Variants in HEMK2 observed in about 807,000 individuals in gnomAD.
HEMK2 encodes the protein HemK methyltransferase 2, ETF1 glutamine and histone H4 lysine, also known as methyltransferase HEMK2.
the HEMK2 span, among the ~76,000 whole-genome samples, chr21:28,604,951 T>C: frequency 9.2e-5 from 14 of 152,234 alleles, no homozygotes; most frequent in East Asian, 1.9e-4. Flanking sequence ...GGTCCGTGCA[T>C]GTAACTACCT....
chr21:28,755,966 T>A, the HEMK2 span, among the ~76,000 whole-genome samples: 1 of 152,176 alleles, frequency 6.6e-6, no homozygotes, highest in Admixed American at 6.5e-5. Flanking sequence ...CATTAAAATA[T>A]ATGTGTGAGC....
the HEMK2 span, among the ~76,000 whole-genome samples, chr21:28,613,619 C>CTTTTTTT: frequency 2.8e-3 from 232 of 82,708 alleles, 45 homozygotes; most frequent in African/African-American, 3.3e-3. Context: ...TCTGCATATT[C>CTTTTTTT]TTTTTTTTTT....
At chr21:28,599,684 C>T in the HEMK2 span, among the ~76,000 whole-genome samples, 1 of 152,156 alleles carries the variant, frequency 6.6e-6, no homozygotes, top group African/African-American at 2.4e-5. Context: ...TCAGCATTAA[C>T]TCAAAAGTCC....
chr21:28,707,621 T>G, the HEMK2 span, among the ~76,000 whole-genome samples: 3 of 152,252 alleles, frequency 2.0e-5, no homozygotes, highest in South Asian at 6.2e-4. Flanking sequence ...GAGAATTGCC[T>G]GCTTGTAAAT....
chr21:28,871,690 T>C, the HEMK2 span, among the ~76,000 whole-genome samples: 1,424 of 152,300 alleles, frequency 9.3e-3, 23 homozygotes, highest in Non-Finnish European at 0.012. Flanking sequence ...CTGTTTGTTG[T>C]AAAACCAATG....
At chr21:28,590,799 C>T in the HEMK2 span, among the ~76,000 whole-genome samples, 2 of 152,154 alleles carry the variant, frequency 1.3e-5, no homozygotes, top group East Asian at 1.9e-4. Flanking sequence ...CTACAGCTGA[C>T]GAGACAGCCC....
chr21:28,763,598 C>T, the HEMK2 span, among the ~76,000 whole-genome samples: 3 of 152,098 alleles, frequency 2.0e-5, no homozygotes, highest in African/African-American at 7.2e-5. Context: ...CACACGTGAA[C>T]ATTCTCAGCC....
At chr21:28,849,778 T>C in the HEMK2 span, among the ~76,000 whole-genome samples, 1 of 152,184 alleles carries the variant, frequency 6.6e-6, no homozygotes, top group Admixed American at 6.5e-5. Flanking sequence ...GAATCTCAGA[T>C]ATTGAAGACC....
chr21:28,783,449 T>G, the HEMK2 span, among the ~76,000 whole-genome samples: 1 of 152,228 alleles, frequency 6.6e-6, no homozygotes, highest in East Asian at 1.9e-4. Flanking sequence ...CCTCCCAAAG[T>G]GCTGGGATTA....
the HEMK2 span, among the ~76,000 whole-genome samples, chr21:28,738,815 T>G: frequency 6.6e-6 from 1 of 152,230 alleles, no homozygotes; most frequent in Non-Finnish European, 1.5e-5. Flanking sequence ...ATGCATTCAT[T>G]CAACAGAGGC....
At chr21:28,636,338 G>A in the HEMK2 span, among the ~76,000 whole-genome samples, 4 of 152,076 alleles carry the variant, frequency 2.6e-5, no homozygotes, top group South Asian at 2.1e-4. Flanking sequence ...GTTAGGACAC[G>A]GGTTCTATTT....
At chr21:28,673,859 A>G in the HEMK2 span, among the ~76,000 whole-genome samples, 11 of 151,426 alleles carry the variant, frequency 7.3e-5, no homozygotes. Context: ...TCAAGGTTTG[A>G]GGACAAAACA....
chr21:28,837,121 G>GCA, the HEMK2 span, among the ~76,000 whole-genome samples: 1 of 152,306 alleles, frequency 6.6e-6, no homozygotes, highest in African/African-American at 2.4e-5. Flanking sequence ...TCCACTGACA[G>GCA]CACTAGACAG....
At chr21:28,581,004 GC>G in the HEMK2 span, among the ~76,000 whole-genome samples, 19 of 152,054 alleles carry the variant, frequency 1.2e-4, no homozygotes, top group African/African-American at 4.3e-4. Context: ...GTGAATAATG[GC>G]CTTTGTTCTG....
chr21:28,800,671 G>A, the HEMK2 span, among the ~76,000 whole-genome samples: 5 of 152,110 alleles, frequency 3.3e-5, no homozygotes, highest in Admixed American at 1.3e-4. Context: ...GGAGGATTGT[G>A]AGACCTCACA....
the HEMK2 span, among the ~76,000 whole-genome samples, chr21:28,690,809 T>G: frequency 1.3e-5 from 2 of 152,202 alleles, no homozygotes; most frequent in Non-Finnish European, 2.9e-5. Context: ...CGTCTGTTAC[T>G]TCCAATATAC....
At chr21:28,880,063 C>T in the HEMK2 span, 14 of 681,382 alleles carry the variant, frequency 2.1e-5, no homozygotes, top group South Asian at 5.4e-5. Context: ...TAATGTGTTA[C>T]GGGCTACGCT....
At chr21:28,778,864 T>C in the HEMK2 span, among the ~76,000 whole-genome samples, 33 of 152,188 alleles carry the variant, frequency 2.2e-4, no homozygotes, top group Admixed American at 2.2e-3. Flanking sequence ...GCAAATATTT[T>C]CTCCCAGTCT....
At chr21:28,736,925 ACTTTATT>A in the HEMK2 span, among the ~76,000 whole-genome samples, 1 of 152,194 alleles carries the variant, frequency 6.6e-6, no homozygotes. Flanking sequence ...AGGGGTTTAA[ACTTTATT>A]CTTCCAAGAC....
Sources: allele counts gnomAD v4.1 joint callset (sites outside exome capture counted in the v4.1 genomes callset), GRCh38; gene constraint gnomAD v4.1.1; transcripts MANE v1.5; gene names NCBI Gene and HGNC (gene_info 2026-07-23, HGNC 2026-07-21).